Variants in RANBP17 observed in about 807,000 individuals in gnomAD.
RANBP17 encodes RAN binding protein 17.
RANBP17 carries 158 observed loss-of-function variants against 141.2 expected under a neutral mutation model. The observed-to-expected ratio is 1.12, with a 90% CI of 0.98 to 1.28. The LOEUF is 1.28. Ranked by LOEUF, RANBP17 falls within the 50% of genes most tolerant of loss-of-function variation. The probability of loss-of-function intolerance (pLI) is 0.00; values close to 1 mark genes in which losing one functional copy is unlikely to be tolerated. For missense variants in RANBP17, 1,438 were observed against 1,290.7 expected (o/e 1.11, Z -1.75); for synonymous variants, 430 against 450.0 (o/e 0.96, Z 0.56).
intron 14 of RANBP17, among the ~76,000 whole-genome samples, chr5:170,979,046 G>GA (rs1235863020): frequency 1.3e-5 from 2 of 151,946 alleles, no homozygotes; most frequent in Non-Finnish European, 2.9e-5. Context: ...AATATGGTAT[G>GA]AAAAAAAGTC....
intron 14 of RANBP17, among the ~76,000 whole-genome samples, chr5:171,010,099 C>T (rs1779931037): frequency 1.3e-5 from 2 of 152,050 alleles, no homozygotes; most frequent in Non-Finnish European, 2.9e-5. Context: ...GAGGGAACCC[C>T]CAAATTTGTA....
chr5:170,974,016 A>G (rs1474641285), intron 14 of RANBP17, among the ~76,000 whole-genome samples: 4 of 152,196 alleles, frequency 2.6e-5, no homozygotes, highest in Admixed American at 6.5e-5. Flanking sequence ...TTCAGACCAT[A>G]GCATTTCACA....
In RANBP17 at chr5:170,877,485, C is replaced by T. The variant is rs1035228929; in HGVS notation, c.19-612C>T. 2.6e-5 allele frequency among the ~76,000 whole-genome samples: 4 copies of T among 152,130 alleles called. No homozygotes were observed. In the South Asian group the frequency reaches 6.2e-4, roughly 24 times the overall value. On this transcript the variant is annotated intron_variant, in intron 1 of 27. Transcript: ENST00000523189. ...CCATGTTGCCTGTGGTGGTCTTGAACTCCTGGGCTCAAGCGATCCTTCCGC... is the reference window on the plus strand; with the variant it reads ...CCATGTTGCCTGTGGTGGTCTTGAATTCCTGGGCTCAAGCGATCCTTCCGC...
intron 25 of RANBP17, among the ~76,000 whole-genome samples, chr5:171,269,139 G>T (rs1406436097): frequency 2.6e-5 from 4 of 152,116 alleles, no homozygotes; most frequent in African/African-American, 9.7e-5. Context: ...TTAGCACTAG[G>T]TTATATCATC....
chr5:171,148,978 C>G (rs756347567), intron 14 of RANBP17, among the ~76,000 whole-genome samples: 1 of 152,204 alleles, frequency 6.6e-6, no homozygotes, highest in Non-Finnish European at 1.5e-5. Flanking sequence ...TCATCCCTGT[C>G]CCTGAAACTT....
At chr5:170,917,347 A>G (rs1206272014) in intron 9 of RANBP17, among the ~76,000 whole-genome samples, 1 of 152,164 alleles carries the variant, frequency 6.6e-6, no homozygotes, top group East Asian at 1.9e-4. Context: ...TTTTTTCTGC[A>G]TTAACTTTAG....
In RANBP17 at chr5:170,968,286, G is replaced by A. The variant is rs746709159; in HGVS notation, c.1619G>A (p.Cys540Tyr). 18 of 1,606,974 alleles carry A rather than the reference G, an allele frequency of 1.1e-5. No homozygotes were observed. The highest frequency in any genetic ancestry group is 1.4e-5 in the Non-Finnish European group (16 of 1,176,974). The change falls in exon 14 of 28, where the codon TGT (cysteine) becomes TAT (tyrosine). Residue 540 changes from cysteine to tyrosine, a missense_variant. By Grantham distance (194) the Cys-to-Tyr change is radical. Coordinates refer to ENST00000523189, the MANE Select transcript of RANBP17 (RefSeq NM_022897.5). Reference sequence around the variant, plus strand: ...TTAATGGATACCGGATTGCCTCGATGTTGTAATGAGAAAATAGAGCTTGCA... The same window carrying A: ...TTAATGGATACCGGATTGCCTCGATATTGTAATGAGAAAATAGAGCTTGCA... ...ISLMDTGLPR[C>Y]CNEKIELAIL...
At chr5:170,998,033 T>C (rs963048429) in intron 14 of RANBP17, among the ~76,000 whole-genome samples, 4 of 150,986 alleles carry the variant, frequency 2.6e-5, no homozygotes, top group Admixed American at 6.6e-5. Flanking sequence ...GCGGATCACA[T>C]GAGGCCAGGG....
At chr5:171,031,995 G>A (rs573296439) in intron 14 of RANBP17, among the ~76,000 whole-genome samples, 83 of 152,150 alleles carry the variant, frequency 5.5e-4, no homozygotes, top group Non-Finnish European at 8.8e-4. Context: ...TTAGTTGACC[G>A]AGTAAAATTG....
intron 24 of RANBP17, among the ~76,000 whole-genome samples, chr5:171,264,924 A>T (rs1201311733): frequency 6.6e-6 from 1 of 152,186 alleles, no homozygotes; most frequent in East Asian, 1.9e-4. Flanking sequence ...TGCCTCCTTC[A>T]CCAAACTCTC....
intron 25 of RANBP17, among the ~76,000 whole-genome samples, chr5:171,278,346 G>A (rs1293575905): frequency 5.9e-5 from 9 of 152,004 alleles, no homozygotes; most frequent in Middle Eastern, 3.2e-3. Flanking sequence ...GTGAAACCCC[G>A]TCTCTACTAA....
At chr5:170,993,393 A>G (rs1034135246) in intron 14 of RANBP17, among the ~76,000 whole-genome samples, 1 of 152,026 alleles carries the variant, frequency 6.6e-6, no homozygotes, top group Non-Finnish European at 1.5e-5. Context: ...TTATCTGTAG[A>G]CTGTAACTTT....
At chr5:171,132,767 A>G (rs1316293112) in intron 14 of RANBP17, among the ~76,000 whole-genome samples, 1 of 152,120 alleles carries the variant, frequency 6.6e-6, no homozygotes, top group Admixed American at 6.6e-5. Context: ...TTCACTCTGT[A>G]CTGACAGTTT....
At chr5:171,202,200 G>T (rs1762336100) in intron 19 of RANBP17, among the ~76,000 whole-genome samples, 1 of 152,128 alleles carries the variant, frequency 6.6e-6, no homozygotes, top group African/African-American at 2.4e-5. Context: ...AGAAAACATT[G>T]AAATTTTGTC....
At chr5:171,124,362 G>T (rs551744015) in intron 14 of RANBP17, among the ~76,000 whole-genome samples, 1 of 152,114 alleles carries the variant, frequency 6.6e-6, no homozygotes, top group Admixed American at 6.5e-5. Flanking sequence ...CATATGAGAT[G>T]CCATAAAGTA....
At position 171,238,537 on chromosome 5, in the gene RANBP17, TCA is replaced by T. The variant is rs557337069; in HGVS notation, c.2423-2389_2423-2388del. Among the ~76,000 whole-genome samples the T allele has an allele frequency of 2.4e-3, 358 of 152,282 alleles. 3 individuals are homozygous for T. The highest frequency in any genetic ancestry group is 2.7e-3 in the Non-Finnish European group (182 of 68,016). On this transcript the variant is annotated intron_variant, in intron 22 of 27. Coordinates refer to ENST00000523189, the MANE Select transcript of RANBP17 (RefSeq NM_022897.5). ...ACATAAAAAGGCCCCAAAAGTTTTC[TCA>T]CTTTTACCCTGGCCTTCCCAACAAA...
intron 14 of RANBP17, among the ~76,000 whole-genome samples, chr5:171,068,607 G>T (rs1279282292): frequency 1.6e-5 from 2 of 127,574 alleles, no homozygotes; most frequent in Admixed American, 8.0e-5. Flanking sequence ...TTGTTGTTGA[G>T]ACAGAGTCTC....
At chr5:170,945,103 C>T (rs1449341961) in intron 12 of RANBP17, among the ~76,000 whole-genome samples, 2 of 152,068 alleles carry the variant, frequency 1.3e-5, no homozygotes, top group African/African-American at 4.8e-5. Flanking sequence ...ATACTTACAG[C>T]AGATGTTTTT....
chr5:171,263,864 G>T (rs573074427), intron 24 of RANBP17, among the ~76,000 whole-genome samples: 105 of 152,168 alleles, frequency 6.9e-4, no homozygotes, highest in African/African-American at 2.4e-3. Context: ...GGAGTTCAAG[G>T]CCAGCCTGAG....
Sources: allele counts gnomAD v4.1 joint callset (sites outside exome capture counted in the v4.1 genomes callset), GRCh38; gene constraint gnomAD v4.1.1; transcripts MANE v1.5; gene names NCBI Gene and HGNC (gene_info 2026-07-23, HGNC 2026-07-21).